Variants in TENM2 observed in about 807,000 individuals in gnomAD.
The protein encoded by TENM2 is teneurin transmembrane protein 2, also known as teneurin-2.
In TENM2, 52 loss-of-function variants were observed where a neutral mutation model predicts 245.2. The ratio of observed to expected loss-of-function variants is 0.21; its 90% CI spans 0.17 to 0.27. The LOEUF (loss-of-function observed/expected upper bound fraction) is 0.27, where lower values mean the gene tolerates loss of function less well. Among genes scored for constraint, TENM2 ranks in the 10% least tolerant of loss-of-function variants. The probability of loss-of-function intolerance (pLI) is 1.00; values close to 1 mark genes in which losing one functional copy is unlikely to be tolerated. For missense variants in TENM2, 3,046 were observed against 3,666.8 expected, an observed-to-expected ratio of 0.83 and a Z score of 4.37; for synonymous variants, 1,363 against 1,438.9, an observed-to-expected ratio of 0.95 and a Z score of 1.19.
chr5:167,375,053 T>C, intron 1 of TENM2, 145 bp from the exon 4 acceptor site: 1 of 790,330 alleles, frequency 1.3e-6, no homozygotes. Context: ...CTGAATACTC[T>C]TGTCCAAGAT....
chr5:167,479,586 A>T (rs182245169), intron 2 of TENM2, among the ~76,000 whole-genome samples: 231 of 152,316 alleles, frequency 1.5e-3, no homozygotes, highest in African/African-American at 5.1e-3. Flanking sequence ...AATCATCTTT[A>T]AAAAAAGCAG....
the TENM2 span, among the ~76,000 whole-genome samples, chr5:167,041,105 T>C: frequency 6.6e-6 from 1 of 152,194 alleles, no homozygotes; most frequent in Non-Finnish European, 1.5e-5. Context: ...AGGTGATAAA[T>C]CACGTAAACC....
At chr5:167,144,359 A>G in the TENM2 span, among the ~76,000 whole-genome samples, 1 of 152,212 alleles carries the variant, frequency 6.6e-6, no homozygotes, top group Non-Finnish European at 1.5e-5. Context: ...TAGCTGTTAT[A>G]TCACTTCTAA....
At chr5:167,010,351 C>A in the TENM2 span, among the ~76,000 whole-genome samples, 2 of 152,014 alleles carry the variant, frequency 1.3e-5, no homozygotes, top group Non-Finnish European at 2.9e-5. Context: ...CCATTGCACT[C>A]CATCCTGGGC....
At chr5:167,419,463 A>G (rs1449497383) in intron 2 of TENM2, among the ~76,000 whole-genome samples, 1 of 152,200 alleles carries the variant, frequency 6.6e-6, no homozygotes, top group African/African-American at 2.4e-5. Flanking sequence ...GTCGTCTCAA[A>G]GTAAATAAAT....
At chr5:167,166,082 A>T in the TENM2 span, among the ~76,000 whole-genome samples, 1 of 152,254 alleles carries the variant, frequency 6.6e-6, no homozygotes, top group Non-Finnish European at 1.5e-5. Flanking sequence ...GGTCATGAAT[A>T]GGGAAAGCTT....
chr5:167,693,158 A>T (rs1252701490), intron 2 of TENM2, among the ~76,000 whole-genome samples: 3 of 152,132 alleles, frequency 2.0e-5, no homozygotes, highest in Non-Finnish European at 1.5e-5. Flanking sequence ...TGTATATACG[A>T]TGCTCAATAA....
intron 2 of TENM2, among the ~76,000 whole-genome samples, chr5:167,440,025 A>C (rs1269792643): frequency 6.6e-6 from 1 of 152,152 alleles, no homozygotes; most frequent in Non-Finnish European, 1.5e-5. Flanking sequence ...TGGTAGCCCT[A>C]ACCTTTCCCA....
chr5:167,553,414 G>A (rs1392137261), intron 2 of TENM2, among the ~76,000 whole-genome samples: 5 of 152,122 alleles, frequency 3.3e-5, no homozygotes, highest in Admixed American at 3.3e-4. Flanking sequence ...AACTATGAAT[G>A]TATAAACAGG....
At chr5:167,530,745 C>G (rs1771434278) in intron 2 of TENM2, among the ~76,000 whole-genome samples, 1 of 152,186 alleles carries the variant, frequency 6.6e-6, no homozygotes, top group African/African-American at 2.4e-5. Context: ...CTGTCGCTGC[C>G]GTCCTTTCAG....
intron 2 of TENM2, among the ~76,000 whole-genome samples, chr5:167,750,616 T>C (rs965407607): frequency 1.3e-5 from 2 of 152,150 alleles, no homozygotes; most frequent in Non-Finnish European, 2.9e-5. Flanking sequence ...ACCTACACTT[T>C]GATCCTCACT....
intron 2 of TENM2, among the ~76,000 whole-genome samples, chr5:167,398,406 CTT>C (rs1433460139): frequency 7.2e-6 from 1 of 138,364 alleles, no homozygotes; most frequent in Non-Finnish European, 1.6e-5. Flanking sequence ...TTCTTTCTTT[CTT>C]TCTTTCTCTC....
chr5:167,237,551 A>G, the TENM2 span, among the ~76,000 whole-genome samples: 1 of 152,212 alleles, frequency 6.6e-6, no homozygotes, highest in East Asian at 1.9e-4. Context: ...TTTAATGAAC[A>G]TTTAAAAGAA....
intron 2 of TENM2, among the ~76,000 whole-genome samples, chr5:167,838,801 G>A (rs1202895517): frequency 6.6e-6 from 1 of 152,156 alleles, no homozygotes; most frequent in Non-Finnish European, 1.5e-5. Context: ...CAAAATTATA[G>A]ATCGGGGTTT....
At chr5:167,678,640 A>G (rs1033167734) in intron 2 of TENM2, among the ~76,000 whole-genome samples, 18 of 152,108 alleles carry the variant, frequency 1.2e-4, no homozygotes, top group African/African-American at 4.1e-4. Flanking sequence ...TAGGCATTCC[A>G]TAAATGTTTG....
chr5:168,114,276 G>C (rs1794897366), intron 9 of TENM2, among the ~76,000 whole-genome samples: 1 of 152,124 alleles, frequency 6.6e-6, no homozygotes, highest in African/African-American at 2.4e-5. Context: ...ATCCACAGCT[G>C]GTAAGGTACA....
At chr5:167,566,728 T>G (rs1773932888) in intron 2 of TENM2, among the ~76,000 whole-genome samples, 2 of 152,192 alleles carry the variant, frequency 1.3e-5, no homozygotes, top group South Asian at 4.1e-4. Context: ...AAGCCTGTAT[T>G]CAACTCAATG....
the TENM2 span, among the ~76,000 whole-genome samples, chr5:167,134,210 T>C: frequency 2.6e-5 from 4 of 152,212 alleles, no homozygotes; most frequent in African/African-American, 9.6e-5. Context: ...AAAAAAATAA[T>C]TGGTTTAATA....
chr5:168,234,550 GAAACTCCTGGCCCTGAGGATCTA>G (rs368184176), intron 25 of TENM2, among the ~76,000 whole-genome samples: 23 of 152,076 alleles, frequency 1.5e-4, no homozygotes, highest in East Asian at 1.9e-4. Context: ...ATCATAAGGC[GAAACTCCTGGCCCTGAGGATCTA>G]AAACTCCTGG....
Sources: allele counts gnomAD v4.1 joint callset (sites outside exome capture counted in the v4.1 genomes callset), GRCh38; gene constraint gnomAD v4.1.1; transcripts MANE v1.5; gene names NCBI Gene and HGNC (gene_info 2026-07-23, HGNC 2026-07-21).